The following NAV1 variants were observed in gnomAD, a reference collection of about 807,000 sequenced individuals.
NAV1 encodes the protein pore membrane and/or filament interacting like protein 3.
In NAV1, 18 loss-of-function variants were observed where a neutral mutation model predicts 175.2. The observed-to-expected ratio is 0.10, with a 90% CI of 0.07 to 0.15. The LOEUF (loss-of-function observed/expected upper bound fraction) is 0.15, where lower values mean the gene tolerates loss of function less well. Ranked by LOEUF, NAV1 falls within the 10% of genes least tolerant of loss-of-function variation. The pLI is 1.00. For synonymous variants in NAV1, 897 were observed against 978.7 expected (o/e 0.92, Z 1.56); for missense variants, 1,731 against 2,436.6 (o/e 0.71, Z 6.10).
chr1:201,695,207 C>CT (rs1337671006), intron 1 of NAV1, among the ~76,000 whole-genome samples: 1 of 152,230 alleles, frequency 6.6e-6, no homozygotes, highest in Non-Finnish European at 1.5e-5. Flanking sequence ...TGCCATCAGG[C>CT]TTTTCCCTGT....
At chr1:201,703,197 G>A (rs1671516253) in intron 1 of NAV1, among the ~76,000 whole-genome samples, 1 of 152,158 alleles carries the variant, frequency 6.6e-6, no homozygotes. Flanking sequence ...AAGGGTCTGG[G>A]CAGGATCACT....
chr1:201,599,107 T>C (rs1667446620), intron 2 of NAV1, among the ~76,000 whole-genome samples: 1 of 152,074 alleles, frequency 6.6e-6, no homozygotes, highest in Non-Finnish European at 1.5e-5. Flanking sequence ...CCTGACAGCC[T>C]CCCCACTTGG....
At chr1:201,712,770 C>T in intron 1 of NAV1, 47 bp from the exon 6 acceptor site, 3 of 1,334,084 alleles carry the variant, frequency 2.2e-6, no homozygotes, top group Non-Finnish European at 3.2e-6. Flanking sequence ...AGGATCCCAG[C>T]ATTAAGTTCT....
chr1:201,772,868 C>G (rs900098615), intron 3 of NAV1, among the ~76,000 whole-genome samples: 1 of 151,996 alleles, frequency 6.6e-6, no homozygotes, highest in Non-Finnish European at 1.5e-5. Flanking sequence ...CCCGTCTCTA[C>G]TAAAAATACA....
intron 1 of NAV1, among the ~76,000 whole-genome samples, chr1:201,661,088 G>A (rs956959502): frequency 3.3e-5 from 5 of 152,196 alleles, no homozygotes; most frequent in African/African-American, 1.2e-4. Flanking sequence ...AATGTGGCAA[G>A]TTCACGGTCA....
At chr1:201,577,767 G>A (rs1383870304) in intron 1 of NAV1, among the ~76,000 whole-genome samples, 2 of 152,058 alleles carry the variant, frequency 1.3e-5, no homozygotes, top group Non-Finnish European at 2.9e-5. Flanking sequence ...ACTGGGTATA[G>A]GATTATGAGT....
intron 3 of NAV1, among the ~76,000 whole-genome samples, chr1:201,746,890 G>A (rs1348727688): frequency 6.6e-6 from 1 of 151,902 alleles, no homozygotes; most frequent in African/African-American, 2.4e-5. Context: ...TGTAGTTCCA[G>A]CTACTCGGGA....
chr1:201,758,484 C>A (rs74136666), intron 3 of NAV1, among the ~76,000 whole-genome samples: 1,933 of 152,318 alleles, frequency 0.013, 47 homozygotes, highest in African/African-American at 0.043. Flanking sequence ...CTCTTTCAAG[C>A]AAATTGTGTT....
chr1:201,709,346 G>T (rs1671800715), intron 1 of NAV1, among the ~76,000 whole-genome samples: 1 of 152,036 alleles, frequency 6.6e-6, no homozygotes, highest in Admixed American at 6.5e-5. Context: ...GAGAGGTGAA[G>T]TAAATTCCCT....
chr1:201,611,723 C>T (rs1667851332), intron 2 of NAV1, among the ~76,000 whole-genome samples: 1 of 152,178 alleles, frequency 6.6e-6, no homozygotes, highest in African/African-American at 2.4e-5. Flanking sequence ...GGTGTTGGGG[C>T]TCATTTTTCC....
In NAV1 at chr1:201,761,639, G is replaced by A. The variant is rs2013468; in HGVS notation, c.1227-18782G>A. 5.1e-3 allele frequency among the ~76,000 whole-genome samples: 776 copies of A among 152,214 alleles called. 3 individuals carry two copies. The highest frequency in any genetic ancestry group is 0.02 in the Middle Eastern group (6 of 294). On this transcript the variant is annotated intron_variant, in intron 3 of 29. Transcript: ENST00000367296. ...TCAGGAACATATACAGGCCATATAC[G>A]TTCTATATCACTTCTTCCAACCTGT...
chr1:201,805,904 G>A (rs1678244229), intron 17 of NAV1, among the ~76,000 whole-genome samples: 1 of 152,072 alleles, frequency 6.6e-6, no homozygotes, highest in African/African-American at 2.4e-5. Flanking sequence ...CTGGGTGATA[G>A]AGTGAGACCC....
At chr1:201,651,995 G>A (rs1020201373) in intron 1 of NAV1, among the ~76,000 whole-genome samples, 1 of 152,026 alleles carries the variant, frequency 6.6e-6, no homozygotes, top group East Asian at 1.9e-4. Context: ...GACTGCCTGG[G>A]GGAGGGGTAG....
intron 1 of NAV1, among the ~76,000 whole-genome samples, chr1:201,560,959 G>T (rs73082537): frequency 2.2e-4 from 34 of 152,360 alleles, no homozygotes; most frequent in African/African-American, 7.9e-4. Flanking sequence ...CACCACCACA[G>T]GCTTTCCAGT....
chr1:201,820,021 C>G, exon 30 of NAV1: 1 of 1,241,038 alleles, frequency 8.1e-7, no homozygotes, highest in African/African-American at 1.5e-5. Flanking sequence ...TTTCAGAGCA[C>G]TGGCTCTCCA....
At position 201,681,224 on chromosome 1, in the gene NAV1, TCTC is replaced by T. The variant is rs140372272; in HGVS notation, c.758-31590_758-31588del. ...ATTGCACTTTCTCACCTTTCTAGCT[TCTC>T]CTTTCTCTTCCCTACCCAAACCATC... On this transcript the variant is annotated intron_variant, in intron 1 of 29. Transcript: ENST00000367296. 8.4e-3 allele frequency among the ~76,000 whole-genome samples: 1,282 copies of T among 152,282 alleles called. 17 individuals carry two copies. Among genetic ancestry groups the T allele is most frequent in the African/African-American group, 0.029 (1,219 of 41,540 alleles).
chr1:201,572,464 G>A (rs1003669628), intron 1 of NAV1, among the ~76,000 whole-genome samples: 1 of 150,830 alleles, frequency 6.6e-6, no homozygotes, highest in African/African-American at 2.5e-5. Context: ...CACCTCCCCG[G>A]TTCAAGCAAT....
chr1:201,752,751 C>A (rs1054144235), intron 3 of NAV1, among the ~76,000 whole-genome samples: 2 of 151,630 alleles, frequency 1.3e-5, no homozygotes, highest in Non-Finnish European at 2.9e-5. Flanking sequence ...TTGGTTTACA[C>A]GAAAAAAATC....
intron 1 of NAV1, among the ~76,000 whole-genome samples, chr1:201,705,691 T>C (rs1177199551): frequency 1.3e-5 from 2 of 152,018 alleles, no homozygotes; most frequent in Non-Finnish European, 2.9e-5. Context: ...GCATCCTCCA[T>C]GGAAATGGGG....
Sources: gnomAD v4.1 joint callset for allele counts (sites outside exome capture counted in the v4.1 genomes callset) on GRCh38, gnomAD v4.1.1 for gene constraint, MANE v1.5 for transcripts, NCBI Gene and HGNC (gene_info 2026-07-23, HGNC 2026-07-21) for gene names.